The following ERCC1 variants were observed in gnomAD, a reference collection of about 807,000 sequenced individuals.
ERCC1 encodes DNA excision repair protein ERCC-1.
ERCC1 carries 36 observed loss-of-function variants against 37.6 expected under a neutral mutation model. That is an observed-to-expected ratio of 0.96 (90% CI 0.73 to 1.26). The LOEUF is 1.26. Among genes scored for constraint, ERCC1 ranks in the 50% most tolerant of loss-of-function variants. ERCC1 has a pLI of 0.00. For synonymous variants in ERCC1, 156 were observed against 162.1 expected (o/e 0.96, Z 0.28); for missense variants, 349 against 376.5 (o/e 0.93, Z 0.60).
chr19:45,422,902 T>C (rs1974526335), intron 2 of ERCC1, among the ~76,000 whole-genome samples: 1 of 152,238 alleles, frequency 6.6e-6, no homozygotes, highest in Non-Finnish European at 1.5e-5. Context: ...ATTTCAATAT[T>C]GCCAGGTCCT....
chr19:45,424,925 T>C (rs984275366), upstream of ERCC1, among the ~76,000 whole-genome samples: 5 of 143,558 alleles, frequency 3.5e-5, no homozygotes, highest in Non-Finnish European at 7.4e-5. Flanking sequence ...TTTTTTTCTT[T>C]TTTTTTTTTT....
At chr19:45,432,290 T>G (rs1974855712) in intron 1 of ERCC1, among the ~76,000 whole-genome samples, 1 of 127,222 alleles carries the variant, frequency 7.9e-6, no homozygotes, top group African/African-American at 4.9e-5. Context: ...TAATTTATTA[T>G]TATTATTATT....
upstream of ERCC1, among the ~76,000 whole-genome samples, chr19:45,427,319 C>A (rs968575747): frequency 2.6e-5 from 4 of 152,098 alleles, no homozygotes; most frequent in African/African-American, 9.7e-5. Context: ...GTATAATTTT[C>A]CCCCAGGAGG....
intron 1 of ERCC1, among the ~76,000 whole-genome samples, chr19:45,442,244 C>G (rs1975139629): frequency 6.7e-6 from 1 of 149,436 alleles, no homozygotes; most frequent in Non-Finnish European, 1.5e-5. Context: ...CGGTTGAGCC[C>G]AGGAGGTGGA....
chr19:45,426,193 A>T (rs1454970499), upstream of ERCC1, among the ~76,000 whole-genome samples: 2 of 151,990 alleles, frequency 1.3e-5, no homozygotes, highest in Non-Finnish European at 2.9e-5. Flanking sequence ...AGCCTGGCCA[A>T]TATGGTGAAA....
Position 45,420,263 on chromosome 19 carries a change from T to C in ERCC1, c.425+61A>G, listed in dbSNP as rs919270413. 26 of 1,080,082 alleles carry C rather than the reference T, an allele frequency of 2.4e-5. No individual in the cohort carries two copies. Among genetic ancestry groups the C allele is most frequent in the Admixed American group, 1.7e-4 (9 of 52,806 alleles). The allele number at this position is 1,080,082 out of a possible 1,614,324, so 66.9% of individuals were successfully genotyped here. Reference sequence around the variant, plus strand: ...TAGAACAGTCCAGAACACTGGGACATGACCCTCCCAGGCCAGTGGGGTGCC... The same window carrying C: ...TAGAACAGTCCAGAACACTGGGACACGACCCTCCCAGGCCAGTGGGGTGCC... On this transcript the variant is annotated intron_variant, in intron 4 of 9. Transcript: ENST00000300853. The surrounding 1 kb of genome is among the most constrained non-coding windows in gnomAD (Gnocchi z 4.8).
upstream of ERCC1, among the ~76,000 whole-genome samples, chr19:45,426,959 T>TCAAAA (rs35772076): frequency 5.4e-5 from 5 of 92,464 alleles, no homozygotes; most frequent in African/African-American, 9.4e-5. Flanking sequence ...AAACTCCATC[T>TCAAAA]AAAAAAAAAA....
At chr19:45,440,459 G>T (rs1366695645) in intron 1 of ERCC1, among the ~76,000 whole-genome samples, 1 of 152,174 alleles carries the variant, frequency 6.6e-6, no homozygotes, top group Non-Finnish European at 1.5e-5. Flanking sequence ...AGGGCTGGGG[G>T]TGAGGATCTG....
At chr19:45,415,863 T>G in intron 6 of ERCC1, 1 of 449,916 alleles carries the variant, frequency 2.2e-6, no homozygotes, top group South Asian at 1.6e-5. Context: ...TGGTCAGGCA[T>G]AGTGGCTCAT....
At chr19:45,446,037 T>A (rs1599867729) in intron 1 of ERCC1, among the ~76,000 whole-genome samples, 1 of 151,876 alleles carries the variant, frequency 6.6e-6, no homozygotes, top group South Asian at 2.1e-4. Context: ...TACAGGCTCG[T>A]GCCACCACGC....
chr19:45,427,593 G>A (rs992397051), upstream of ERCC1, among the ~76,000 whole-genome samples: 8 of 152,300 alleles, frequency 5.3e-5, no homozygotes, highest in African/African-American at 1.9e-4. Context: ...TAGCCTGGGC[G>A]ACAGAGCGAG....
chr19:45,442,261 A>G (rs1309960371), intron 1 of ERCC1, among the ~76,000 whole-genome samples: 2 of 151,374 alleles, frequency 1.3e-5, no homozygotes, highest in East Asian at 3.9e-4. Context: ...TGGAGGTTGC[A>G]GTGAACCGAG....
At chr19:45,421,114 C>T (rs2123519298) in intron 3 of ERCC1, 64 bp downstream of exon 3, 3 of 1,385,750 alleles carry the variant, frequency 2.2e-6, no homozygotes, top group Middle Eastern at 4.7e-4. Flanking sequence ...GCACTGGAGT[C>T]ATCCCTAGAA....
chr19:45,442,187 G>A (rs1599864328), intron 1 of ERCC1, among the ~76,000 whole-genome samples: 1 of 151,352 alleles, frequency 6.6e-6, no homozygotes, highest in East Asian at 2.0e-4. Flanking sequence ...GTGGTGGCAT[G>A]CACCTGTGGT....
At chr19:45,422,906 A>T (rs1974526918) in intron 2 of ERCC1, among the ~76,000 whole-genome samples, 1 of 152,206 alleles carries the variant, frequency 6.6e-6, no homozygotes, top group Non-Finnish European at 1.5e-5. Context: ...CAATATTGCC[A>T]GGTCCTTCCA....
Position 45,407,867 on chromosome 19 carries a change from C to T in ERCC1, c.*1808G>A. Reference sequence around the variant, plus strand: ...GGTCAGGAGTTCAAGACCAGCCTGGCCAACATAGTGAAATTGTCTCTACTA... The same window carrying T: ...GGTCAGGAGTTCAAGACCAGCCTGGTCAACATAGTGAAATTGTCTCTACTA... On this transcript the variant is annotated 3_prime_UTR_variant, in exon 10 of 10. Transcript: ENST00000300853. 1 of 343,012 alleles carries T rather than the reference C, an allele frequency of 2.9e-6. No homozygotes were observed. The allele number at this position is 343,012 out of a possible 1,614,324, so 21.2% of individuals were successfully genotyped here.
At chr19:45,443,020 G>C (rs1975160900) in intron 1 of ERCC1, among the ~76,000 whole-genome samples, 1 of 152,136 alleles carries the variant, frequency 6.6e-6, no homozygotes, top group South Asian at 2.1e-4. Context: ...GCCCCGCGGG[G>C]GGGATGAAGA....
At chr19:45,441,398 C>CG (rs1025716124) in intron 1 of ERCC1, among the ~76,000 whole-genome samples, 101 of 152,132 alleles carry the variant, frequency 6.6e-4, no homozygotes, top group African/African-American at 1.9e-3. Context: ...GGGTGGATGG[C>CG]GGGGGGGTCA....
rs142249066 is a variant in ERCC1, at chr19:45,433,434, G to A, written c.-7-10053C>T. Among the ~76,000 whole-genome samples, 437 of 152,214 alleles carry A rather than the reference G, an allele frequency of 2.9e-3. 4 individuals carry two copies. The highest frequency in any genetic ancestry group is 9.8e-3 in the African/African-American group (406 of 41,546). ...CCAGCTACTTGGGAGGCCAAGGCAC[G>A]AGAATCGCTTGAACCTGGGAGGTGG... On this transcript the variant is annotated intron_variant, in intron 1 of 8. Coordinates refer to the ERCC1 transcript ENST00000423698.
Sources: allele counts gnomAD v4.1 joint callset (sites outside exome capture counted in the v4.1 genomes callset), GRCh38; gene constraint gnomAD v4.1.1; non-coding constraint Gnocchi (gnomAD v3.1); transcripts MANE v1.5; gene names NCBI Gene and HGNC (gene_info 2026-07-23, HGNC 2026-07-21).